Variants in PCDHGA5 observed in about 807,000 individuals in gnomAD.
PCDHGA5 encodes protocadherin gamma subfamily A, 5.
PCDHGA5 carries 36 observed loss-of-function variants against 56.7 expected under a neutral mutation model. The observed-to-expected ratio is 0.64, with a 90% confidence interval of 0.49 to 0.84. The LOEUF (loss-of-function observed/expected upper bound fraction) is 0.84. PCDHGA5 is among the 40% of genes least tolerant of loss of function. The pLI, the probability that PCDHGA5 is intolerant of heterozygous loss-of-function variation, is 0.00. For missense variants in PCDHGA5, 1,305 were observed against 1,201.5 expected (o/e 1.09, Z -1.27); for synonymous variants, 563 against 520.2 (o/e 1.08, Z -1.12).
chr5:141,404,540 A>G, intron 1 of PCDHGA5: 2 of 1,613,920 alleles, frequency 1.2e-6, no homozygotes, highest in Non-Finnish European at 1.7e-6. Context: ...AGATTTGCAA[A>G]TGCAGGTGAC....
chr5:141,383,876 G>T (rs747987128), intron 1 of PCDHGA5: 1 of 1,613,978 alleles, frequency 6.2e-7, no homozygotes, highest in South Asian at 1.1e-5. Flanking sequence ...GATGGTCCTG[G>T]TAGTCTGACA....
chr5:141,415,883 G>A (rs2095968409), intron 1 of PCDHGA5: 1 of 983,982 alleles, frequency 1.0e-6, no homozygotes, highest in African/African-American at 1.7e-5. Context: ...GTACAATATT[G>A]ACAATTCCTA....
chr5:141,389,456 C>T, intron 1 of PCDHGA5: 1 of 1,613,332 alleles, frequency 6.2e-7, no homozygotes, highest in South Asian at 1.1e-5. Context: ...AGCAGCTGCG[C>T]GCCTTCGAAC....
chr5:141,495,642 C>T (rs1294293252), intron 2 of PCDHGA5, among the ~76,000 whole-genome samples: 1 of 152,208 alleles, frequency 6.6e-6, no homozygotes. Flanking sequence ...TTTCATTTGT[C>T]TACTTGCATT....
intron 2 of PCDHGA5, among the ~76,000 whole-genome samples, chr5:141,503,998 A>G (rs746158378): frequency 4.6e-5 from 7 of 152,104 alleles, no homozygotes; most frequent in Admixed American, 1.3e-4. Context: ...CCTTACAGTC[A>G]CTTAACTGTC....
Position 141,485,096 on chromosome 5 carries a change from CCAG to C in PCDHGA5, c.2422-9709_2422-9707del. The C allele has an allele frequency of 8.9e-7, 1 of 1,125,684 alleles. No homozygotes were observed. The highest frequency in any genetic ancestry group is 1.3e-6 in the Non-Finnish European group (1 of 759,466). 69.7% of individuals were successfully genotyped at this position (1,125,684 alleles called of 1,614,324 possible). A position where few individuals can be genotyped will look rare whatever the true frequency, so the allele number is the denominator to read the frequency against. ...CGCGGGGAAAGGGAGATAGGTGTCTCCAGCTGCTGTGGCTGTTTGGGGCGGGTC... is the reference window on the plus strand; with the variant it reads ...CGCGGGGAAAGGGAGATAGGTGTCTCCTGCTGTGGCTGTTTGGGGCGGGTC... On this transcript the variant is annotated intron_variant, in intron 1 of 3. Transcript: ENST00000518069. The surrounding 1 kb of genome is among the most constrained non-coding windows in gnomAD (Gnocchi z 5.7).
intron 1 of PCDHGA5, chr5:141,414,088 A>T: frequency 6.3e-7 from 1 of 1,599,384 alleles, no homozygotes; most frequent in African/African-American, 1.3e-5. Context: ...TACTGGAGAA[A>T]TAAAAATATC....
At chr5:141,414,233 T>A in intron 1 of PCDHGA5, 1 of 1,613,474 alleles carries the variant, frequency 6.2e-7, no homozygotes, top group Non-Finnish European at 8.5e-7. Flanking sequence ...GAGCTGACCA[T>A]CACGTCTCTA....
rs1301800438 is a variant in PCDHGA5, at chr5:141,432,966, C to T, written c.2422-61841C>T. ...TCAGGAGGCGGCTTGACAGGAGCGC[C>T]GGCGTCGCACTTTGTGGGCGTGGAC... On this transcript the variant is annotated intron_variant, in intron 1 of 3. Coordinates refer to ENST00000518069, the MANE Select transcript of PCDHGA5 (RefSeq NM_018918.3). This position sits in a 1 kb window ranked among gnomAD's most constrained non-coding sequence, Gnocchi z 6.0. 1.2e-6 allele frequency: 2 copies of T among 1,614,066 alleles called. No homozygotes were observed. The highest frequency in any genetic ancestry group is 8.5e-7 in the Non-Finnish European group (1 of 1,180,052).
At chr5:141,495,814 T>C (rs2099764028) in intron 2 of PCDHGA5, among the ~76,000 whole-genome samples, 1 of 152,134 alleles carries the variant, frequency 6.6e-6, no homozygotes, top group Non-Finnish European at 1.5e-5. Context: ...TCCTAGCGCC[T>C]TGTGTTCTTC....
In PCDHGA5 at chr5:141,399,794, C is replaced by A. The variant is rs2093888579; in HGVS notation, c.2421+33043C>A. ...GTGGGCGACCGAAACGACAACGCAC[C>A]GCGGGTGCTGTACCCCGCGCTGGGT... is the stretch of plus-strand genomic sequence containing the variant. On this transcript the variant is annotated intron_variant, in intron 1 of 3. Transcript: ENST00000518069. 1.9e-6 allele frequency: 3 copies of A among 1,613,268 alleles called. No homozygotes were observed. The highest frequency in any genetic ancestry group is 1.1e-5 in the South Asian group (1 of 91,052).
Position 141,490,867 on chromosome 5 carries a change from C to G in PCDHGA5, c.2422-3940C>G. ...GGGGGTTCGAGACTCCGGCTCTCCC[C>G]CATTGCATGCCAACACATCTCTGCA... On this transcript the variant is annotated intron_variant, in intron 1 of 3. Coordinates refer to ENST00000518069, the MANE Select transcript of PCDHGA5 (RefSeq NM_018918.3). This position sits in a 1 kb window ranked among gnomAD's most constrained non-coding sequence, Gnocchi z 5.4. 6.2e-7 allele frequency: 1 copy of G among 1,613,912 alleles called. No individual in the cohort carries two copies. The highest frequency in any genetic ancestry group is 8.5e-7 in the Non-Finnish European group (1 of 1,179,936).
chr5:141,449,498 A>G (rs1190732747), intron 1 of PCDHGA5, among the ~76,000 whole-genome samples: 7 of 150,506 alleles, frequency 4.7e-5, no homozygotes, highest in Non-Finnish European at 8.9e-5. Flanking sequence ...GTGAGGCATG[A>G]GAAATGCTTG....
At chr5:141,388,965 G>T (rs1164641835) in intron 1 of PCDHGA5, 1 of 1,613,978 alleles carries the variant, frequency 6.2e-7, no homozygotes, top group Admixed American at 1.7e-5. Context: ...CGCCGAGCTG[G>T]GAACACATAT....
At chr5:141,444,626 A>G (rs542390437) in intron 1 of PCDHGA5, among the ~76,000 whole-genome samples, 74 of 152,288 alleles carry the variant, frequency 4.9e-4, no homozygotes, top group African/African-American at 1.7e-3. Flanking sequence ...GGCATGATGC[A>G]CCAGTTCATT....
chr5:141,371,367 G>T, intron 1 of PCDHGA5: 1 of 1,613,892 alleles, frequency 6.2e-7, no homozygotes, highest in South Asian at 1.1e-5. Context: ...AAAGGATGGT[G>T]GACATCACAC....
intron 1 of PCDHGA5, among the ~76,000 whole-genome samples, chr5:141,445,784 G>A (rs2098477494): frequency 6.6e-6 from 1 of 152,168 alleles, no homozygotes; most frequent in Non-Finnish European, 1.5e-5. Flanking sequence ...GGGCTAGGGA[G>A]GCTAGAAACA....
intron 2 of PCDHGA5, among the ~76,000 whole-genome samples, chr5:141,503,340 T>A (rs1394172617): frequency 6.6e-6 from 1 of 152,064 alleles, no homozygotes; most frequent in African/African-American, 2.4e-5. Flanking sequence ...CTCACGCCTG[T>A]AATTCCAGCA....
chr5:141,496,251 G>A (rs746722054), intron 2 of PCDHGA5, among the ~76,000 whole-genome samples: 7 of 152,150 alleles, frequency 4.6e-5, no homozygotes, highest in African/African-American at 7.2e-5. Context: ...TGAAGGGGAG[G>A]GAAACTTCAG....
Sources: gnomAD v4.1 joint callset for allele counts (sites outside exome capture counted in the v4.1 genomes callset) on GRCh38, gnomAD v4.1.1 for gene constraint, Gnocchi (gnomAD v3.1) non-coding constraint, MANE v1.5 for transcripts, NCBI Gene and HGNC (gene_info 2026-07-23, HGNC 2026-07-21) for gene names.